R3HDM2: variants seen among roughly 807,000 people sequenced by gnomAD.
R3HDM2 encodes R3H domain-containing protein 2.
Under a neutral mutation model 124.5 loss-of-function variants are expected in R3HDM2, and 38 were observed. The ratio of observed to expected loss-of-function variants is 0.31; its 90% CI spans 0.24 to 0.40. R3HDM2 has a LOEUF of 0.40. R3HDM2 is among the 10% of genes least tolerant of loss of function. The pLI is 1.00. For synonymous variants in R3HDM2, 391 were observed against 448.0 expected (o/e 0.87, Z 1.61); for missense variants, 869 against 1,236.9 (o/e 0.70, Z 4.46).
intron 2 of R3HDM2, chr12:57,341,117 C>T (rs951077090): frequency 2.0e-5 from 3 of 152,212 alleles, no homozygotes; most frequent in Admixed American, 6.5e-5. Context: ...ATCCAAAACT[C>T]AACCAAAATT....
chr12:57,409,906 GGAAA>G (rs1429834718), intron 1 of R3HDM2, among the ~76,000 whole-genome samples: 2 of 151,896 alleles, frequency 1.3e-5, no homozygotes, highest in Non-Finnish European at 2.9e-5. Flanking sequence ...CCAGAAGGAA[GGAAA>G]GAAAAGAAAA....
At chr12:57,270,928 T>C (rs1306089992) in intron 14 of R3HDM2, among the ~76,000 whole-genome samples, 1 of 152,170 alleles carries the variant, frequency 6.6e-6, no homozygotes, top group Non-Finnish European at 1.5e-5. Flanking sequence ...TTACTGTATA[T>C]AGAAAAAACA....
chr12:57,276,625 C>T (rs868267562), intron 14 of R3HDM2, among the ~76,000 whole-genome samples: 2 of 152,082 alleles, frequency 1.3e-5, no homozygotes, highest in African/African-American at 2.4e-5. Flanking sequence ...CAGCGGCTCA[C>T]GCCTGTAATC....
chr12:57,335,423 G>C (rs1747022554), intron 2 of R3HDM2, among the ~76,000 whole-genome samples: 2 of 150,570 alleles, frequency 1.3e-5, no homozygotes, highest in Admixed American at 1.3e-4. Flanking sequence ...GGCCAGGCTG[G>C]CCTCAAACTC....
intron 1 of R3HDM2, among the ~76,000 whole-genome samples, chr12:57,425,944 T>C (rs936400237): frequency 6.7e-6 from 1 of 150,116 alleles, no homozygotes; most frequent in African/African-American, 2.4e-5. Context: ...TAAGGAAAGA[T>C]AGGTCAGGCG....
At position 57,268,338 on chromosome 12, in the gene R3HDM2, A is replaced by G; in HGVS notation, c.1995T>C (p.Tyr665=). 2 of 1,614,038 alleles carry G rather than the reference A, an allele frequency of 1.2e-6. No individual in the cohort carries two copies. Among genetic ancestry groups the G allele is most frequent in the Non-Finnish European group, 1.7e-6 (2 of 1,179,964 alleles). Residue 665 remains tyrosine, a synonymous_variant, in exon 18 of 24, where the codon TAT becomes TAC. Coordinates refer to ENST00000402412, the MANE Select transcript of R3HDM2 (RefSeq NM_001394031.1). The part of the protein sequence containing the change: ...GLPAAGVPVY[Y]SMIPPAQQNG... ...TCTGCTGAGCAGGTGGGATCATGCTATAGTACACTGGTACCCCCGCTGCTG... is the reference window on the plus strand; with the variant it reads ...TCTGCTGAGCAGGTGGGATCATGCTGTAGTACACTGGTACCCCCGCTGCTG...
intron 2 of R3HDM2, among the ~76,000 whole-genome samples, chr12:57,381,287 C>T (rs562235714): frequency 6.6e-6 from 1 of 152,030 alleles, no homozygotes; most frequent in South Asian, 2.1e-4. Context: ...GGCACGGTGG[C>T]TCACGCCTGT....
intron 2 of R3HDM2, among the ~76,000 whole-genome samples, chr12:57,373,273 GGTGGATCA>G (rs2063597019): frequency 6.6e-6 from 1 of 152,118 alleles, no homozygotes; most frequent in African/African-American, 2.4e-5. Context: ...GGCCAATGCA[GGTGGATCA>G]CGAGGTCAGG....
intron 1 of R3HDM2, among the ~76,000 whole-genome samples, chr12:57,424,519 C>T (rs2070525128): frequency 6.6e-6 from 1 of 152,106 alleles, no homozygotes; most frequent in South Asian, 2.1e-4. Context: ...AATTACTTTC[C>T]TCCTAGTCTT....
chr12:57,417,030 A>C (rs113107972), intron 1 of R3HDM2, among the ~76,000 whole-genome samples: 8,368 of 151,316 alleles, frequency 0.055, 651 homozygotes, highest in African/African-American at 0.18. Flanking sequence ...AGACAAGAGA[A>C]TTGCTTGAAC....
chr12:57,310,599 G>A (rs1014428019), intron 2 of R3HDM2, 136 bp from the exon 3 acceptor site: 2 of 403,406 alleles, frequency 5.0e-6, no homozygotes, highest in Non-Finnish European at 8.3e-6. Context: ...AATAAATGCT[G>A]TCCCTGGGTT....
intron 14 of R3HDM2, among the ~76,000 whole-genome samples, chr12:57,277,291 C>CA (rs1231545433): frequency 1.3e-5 from 2 of 151,994 alleles, no homozygotes; most frequent in African/African-American, 4.8e-5. Context: ...CCCCTGGTTT[C>CA]ACGAGCTTCA....
intron 1 of R3HDM2, among the ~76,000 whole-genome samples, chr12:57,419,328 T>A (rs2069961622): frequency 6.6e-6 from 1 of 151,760 alleles, no homozygotes; most frequent in African/African-American, 2.4e-5. Context: ...TATTTTTAGT[T>A]GAGACAGGGT....
chr12:57,430,510 G>A, intron 1 of R3HDM2: 12 of 353,244 alleles, frequency 3.4e-5, no homozygotes, highest in Non-Finnish European at 4.6e-5. Flanking sequence ...GCCGCCCTCC[G>A]CCCCGCGCCC....
At chr12:57,394,201 G>A (rs1480016886) in intron 2 of R3HDM2, among the ~76,000 whole-genome samples, 1 of 151,976 alleles carries the variant, frequency 6.6e-6, no homozygotes, top group African/African-American at 2.4e-5. Flanking sequence ...AGAGGCTGTT[G>A]TGTAAGAATC....
At chr12:57,421,609 T>C (rs1170361121) in intron 1 of R3HDM2, among the ~76,000 whole-genome samples, 1 of 151,752 alleles carries the variant, frequency 6.6e-6, no homozygotes, top group Non-Finnish European at 1.5e-5. Flanking sequence ...CAGGTTTAGG[T>C]AATCCTCCCA....
intron 2 of R3HDM2, among the ~76,000 whole-genome samples, chr12:57,344,802 G>GA (rs1010576748): frequency 6.6e-6 from 1 of 151,422 alleles, no homozygotes; most frequent in African/African-American, 2.4e-5. Context: ...AACACTAAAG[G>GA]AAAAAAACTT....
At chr12:57,382,867 A>T (rs1467844894) in intron 2 of R3HDM2, among the ~76,000 whole-genome samples, 11 of 151,608 alleles carry the variant, frequency 7.3e-5, no homozygotes, top group Admixed American at 6.6e-4. Context: ...AAATAAAATA[A>T]TTTTTATTTA....
At chr12:57,386,012 CCAT>C (rs1451839312) in intron 2 of R3HDM2, among the ~76,000 whole-genome samples, 1 of 152,154 alleles carries the variant, frequency 6.6e-6, no homozygotes, top group African/African-American at 2.4e-5. Context: ...TCTATTAGTA[CCAT>C]CATTAAAAAT....
Sources: gnomAD v4.1 joint callset for allele counts (sites outside exome capture counted in the v4.1 genomes callset) on GRCh38, gnomAD v4.1.1 for gene constraint, MANE v1.5 for transcripts, NCBI Gene and HGNC (gene_info 2026-07-23, HGNC 2026-07-21) for gene names.